The following SLC30A8 variants were observed in gnomAD, a reference collection of about 807,000 sequenced individuals.
The protein encoded by SLC30A8 is proton-coupled zinc antiporter SLC30A8.
SLC30A8 carries 27 observed loss-of-function variants against 36.9 expected under a neutral mutation model. The observed-to-expected ratio is 0.73, with a 90% CI of 0.54 to 1.01. SLC30A8 has a LOEUF of 1.01. SLC30A8 is among the 50% of genes least tolerant of loss of function. SLC30A8 has a pLI of 0.00. For synonymous variants in SLC30A8, 164 were observed against 172.4 expected (o/e 0.95, Z 0.38); for missense variants, 439 against 452.0 (o/e 0.97, Z 0.26).
chr8:116,979,337 C>G lies in SLC30A8; in HGVS notation c.-266+28218C>G, dbSNP rs1471016249. Among the ~76,000 whole-genome samples the G allele has an allele frequency of 2.6e-5, 4 of 151,584 alleles. No individual in the cohort carries two copies. The South Asian group carries it at 8.3e-4, about 32-fold the overall frequency. On this transcript the variant is annotated intron_variant, in intron 1 of 10. Transcript: ENST00000427715. ...AGGTGTGACTGGGTTACAATTTACT[C>G]CAACGTTATCCTCCTCGAAGAAAAC...
At chr8:116,951,759 T>G (rs1364978560) in intron 1 of SLC30A8, among the ~76,000 whole-genome samples, 3 of 152,144 alleles carry the variant, frequency 2.0e-5, no homozygotes, top group Non-Finnish European at 4.4e-5. Context: ...ATTCAACATT[T>G]TTGTTGTGTC....
chr8:117,098,188 C>A (rs964310974), intron 2 of SLC30A8, among the ~76,000 whole-genome samples: 1 of 149,866 alleles, frequency 6.7e-6, no homozygotes, highest in Admixed American at 6.8e-5. Context: ...CAATCAAGAC[C>A]TCCCTGAGAA....
At chr8:117,154,400 T>C (rs1822366315) in intron 3 of SLC30A8, among the ~76,000 whole-genome samples, 1 of 152,136 alleles carries the variant, frequency 6.6e-6, no homozygotes, top group South Asian at 2.1e-4. Flanking sequence ...AGAACATCCA[T>C]GTAGAGGAAA....
intron 2 of SLC30A8, among the ~76,000 whole-genome samples, chr8:117,070,784 C>T (rs1280273803): frequency 6.6e-6 from 1 of 152,186 alleles, no homozygotes; most frequent in Non-Finnish European, 1.5e-5. Flanking sequence ...CTACTTTCTA[C>T]TTCTATGAGT....
chr8:117,126,492 C>T (rs530618672), intron 2 of SLC30A8, among the ~76,000 whole-genome samples: 70 of 152,098 alleles, frequency 4.6e-4, no homozygotes, highest in African/African-American at 1.7e-3. Context: ...TACTCTGAAT[C>T]ACTCACTATG....
chr8:117,042,437 T>G (rs1056395078), intron 2 of SLC30A8, among the ~76,000 whole-genome samples: 1 of 152,192 alleles, frequency 6.6e-6, no homozygotes, highest in Non-Finnish European at 1.5e-5. Context: ...CAGGGTTATT[T>G]GGATAATGCC....
intron 1 of SLC30A8, among the ~76,000 whole-genome samples, chr8:117,142,720 C>T (rs749628973): frequency 3.3e-5 from 5 of 151,990 alleles, no homozygotes; most frequent in South Asian, 2.1e-4. Flanking sequence ...ACCTCCACAG[C>T]GGTGCCTTTC....
At chr8:117,044,783 A>G (rs1051855432) in intron 2 of SLC30A8, among the ~76,000 whole-genome samples, 1 of 152,308 alleles carries the variant, frequency 6.6e-6, no homozygotes, top group African/African-American at 2.4e-5. Flanking sequence ...AAGCTGTAAC[A>G]CAATTGGTTA....
Position 117,046,303 on chromosome 8 carries a change from T to C in SLC30A8, c.-226+7045T>C, listed in dbSNP as rs188150240. 9.2e-5 allele frequency among the ~76,000 whole-genome samples: 14 copies of C among 152,334 alleles called. No homozygotes were observed. The East Asian group carries it at 2.1e-3, about 23-fold the overall frequency. ...CCACCGCCACAGACAATTTGATAAG[T>C]CTTCCACTAATTCTCTAAACATCTT... On this transcript the variant is annotated intron_variant, in intron 2 of 10. Coordinates refer to the SLC30A8 transcript ENST00000427715.
chr8:117,174,832 T>TAGTC lies in SLC30A8; in HGVS notation c.*2154_*2157dup. The stretch of plus-strand genomic sequence containing the variant: ...TTGTTTCCCTGAAATTCTGCTTTTT[T>TAGTC]AGTCAGCTAGATTGAAAACTCTGAA... On this transcript the variant is annotated 3_prime_UTR_variant, in exon 8 of 8. Transcript: ENST00000456015. 6.5e-6 allele frequency: 1 copy of TAGTC among 152,684 alleles called. No homozygotes were observed. The highest frequency in any genetic ancestry group is 1.9e-4 in the East Asian group (1 of 5,164). 9.5% of individuals were successfully genotyped at this position (152,684 alleles called of 1,614,324 possible).
chr8:116,974,920 A>G (rs369710976), intron 1 of SLC30A8, among the ~76,000 whole-genome samples: 2 of 151,762 alleles, frequency 1.3e-5, no homozygotes, highest in East Asian at 3.9e-4. Flanking sequence ...ATTATTCTGC[A>G]CAAACTGTCA....
chr8:116,956,436 G>A (rs1441665523), intron 1 of SLC30A8, among the ~76,000 whole-genome samples: 4 of 152,128 alleles, frequency 2.6e-5, no homozygotes, highest in Non-Finnish European at 4.4e-5. Context: ...CGATTTCATC[G>A]AAAATGAAAA....
intron 1 of SLC30A8, among the ~76,000 whole-genome samples, chr8:116,973,890 C>G (rs1814881570): frequency 6.6e-6 from 1 of 152,190 alleles, no homozygotes; most frequent in Non-Finnish European, 1.5e-5. Flanking sequence ...TACCACACAT[C>G]TACAACCATC....
chr8:116,966,180 A>C (rs1270249452), intron 1 of SLC30A8, among the ~76,000 whole-genome samples: 1 of 152,122 alleles, frequency 6.6e-6, no homozygotes, highest in Non-Finnish European at 1.5e-5. Flanking sequence ...TAACAAGACA[A>C]AGCAAACTAA....
intron 2 of SLC30A8, among the ~76,000 whole-genome samples, chr8:117,059,767 T>C (rs1183686676): frequency 6.6e-6 from 1 of 152,206 alleles, no homozygotes; most frequent in Non-Finnish European, 1.5e-5. Flanking sequence ...CCAAAAACAG[T>C]GAGCTGTTTT....
At chr8:117,022,831 T>A (rs964745283) in intron 1 of SLC30A8, among the ~76,000 whole-genome samples, 3 of 152,084 alleles carry the variant, frequency 2.0e-5, no homozygotes, top group Admixed American at 1.3e-4. Context: ...GGACTTCATG[T>A]CTAAAACACC....
intron 1 of SLC30A8, among the ~76,000 whole-genome samples, chr8:116,967,612 C>G (rs1247047325): frequency 6.6e-6 from 1 of 152,098 alleles, no homozygotes; most frequent in East Asian, 1.9e-4. Flanking sequence ...TAAATGGGTA[C>G]CTGAATGAAC....
intron 1 of SLC30A8, among the ~76,000 whole-genome samples, chr8:117,037,612 A>G (rs377657398): frequency 6.6e-6 from 1 of 152,290 alleles, no homozygotes. Context: ...CCTCCCACAG[A>G]GTTGGTATAG....
At chr8:116,956,122 A>G (rs140077720) in intron 1 of SLC30A8, among the ~76,000 whole-genome samples, 345 of 152,362 alleles carry the variant, frequency 2.3e-3, no homozygotes, top group Admixed American at 4.2e-3. Flanking sequence ...ACATTAAAGC[A>G]GGATTCATAT....
Sources: gnomAD v4.1 joint callset for allele counts (sites outside exome capture counted in the v4.1 genomes callset) on GRCh38, gnomAD v4.1.1 for gene constraint, MANE v1.5 for transcripts, NCBI Gene and HGNC (gene_info 2026-07-23, HGNC 2026-07-21) for gene names.